SLC35F3: variants seen among roughly 807,000 people sequenced by gnomAD.
The protein encoded by SLC35F3 is solute carrier family 35 member F3, also known as putative thiamine transporter SLC35F3.
In SLC35F3, 25 loss-of-function variants were observed where a neutral mutation model predicts 49.9. That is an observed-to-expected ratio of 0.50 (90% CI 0.37 to 0.70). The LOEUF is 0.70. Among genes scored for constraint, SLC35F3 ranks in the 30% least tolerant of loss-of-function variants. The probability of loss-of-function intolerance (pLI) is 0.00; values close to 1 mark genes in which losing one functional copy is unlikely to be tolerated. For synonymous variants in SLC35F3, 275 were observed against 265.4 expected (o/e 1.04, Z -0.35); for missense variants, 525 against 639.8 (o/e 0.82, Z 1.94).
intron 2 of SLC35F3, among the ~76,000 whole-genome samples, chr1:234,079,454 A>G (rs1664842920): frequency 6.6e-6 from 1 of 152,254 alleles, no homozygotes; most frequent in Non-Finnish European, 1.5e-5. Context: ...TTTGGACTTC[A>G]GAGTAAAAAG....
intron 2 of SLC35F3, among the ~76,000 whole-genome samples, chr1:234,227,556 G>A (rs189417668): frequency 5.5e-4 from 84 of 152,084 alleles, no homozygotes; most frequent in African/African-American, 1.9e-3. Context: ...CCACCACCAC[G>A]CCCGGCTAAT....
chr1:234,116,056 C>T (rs1665482118), intron 2 of SLC35F3, among the ~76,000 whole-genome samples: 1 of 152,182 alleles, frequency 6.6e-6, no homozygotes, highest in African/African-American at 2.4e-5. Context: ...GATCAGCGTT[C>T]ACCAAATCCA....
At chr1:233,936,728 G>T (rs142429928) in intron 2 of SLC35F3, among the ~76,000 whole-genome samples, 2 of 151,186 alleles carry the variant, frequency 1.3e-5, no homozygotes, top group African/African-American at 2.4e-5. Flanking sequence ...TTGCTATGTC[G>T]CCCAAGCTGA....
intron 3 of SLC35F3, among the ~76,000 whole-genome samples, chr1:234,259,597 C>T (rs1250855230): frequency 6.6e-6 from 1 of 152,042 alleles, no homozygotes; most frequent in African/African-American, 2.4e-5. Context: ...TTGCTTGAAC[C>T]CAGGAGGCAG....
chr1:234,109,872 T>A (rs1665379160), intron 2 of SLC35F3, among the ~76,000 whole-genome samples: 1 of 152,134 alleles, frequency 6.6e-6, no homozygotes, highest in South Asian at 2.1e-4. Context: ...GAAGGAGGCA[T>A]TTGAGCTGGG....
At chr1:234,263,874 C>T (rs1315996924) in intron 3 of SLC35F3, among the ~76,000 whole-genome samples, 3 of 152,094 alleles carry the variant, frequency 2.0e-5, no homozygotes, top group African/African-American at 4.8e-5. Flanking sequence ...TTTGGGAGGC[C>T]GAGGCGGGCA....
chr1:234,221,594 G>A (rs1459154838), intron 2 of SLC35F3, among the ~76,000 whole-genome samples: 2 of 152,174 alleles, frequency 1.3e-5, no homozygotes, highest in Non-Finnish European at 2.9e-5. Flanking sequence ...GAAGAGGTGG[G>A]AAAGGGTTCA....
At chr1:234,162,429 T>A (rs6586376) in intron 2 of SLC35F3, among the ~76,000 whole-genome samples, 20,427 of 121,206 alleles carry the variant, frequency 0.17, 4,999 homozygotes, top group African/African-American at 0.53. Context: ...TAACAGAAGG[T>A]GGAGAGGGAT....
At chr1:234,188,020 G>A (rs879088820) in intron 2 of SLC35F3, among the ~76,000 whole-genome samples, 2 of 152,102 alleles carry the variant, frequency 1.3e-5, no homozygotes, top group African/African-American at 4.8e-5. Flanking sequence ...GGCGGATCAC[G>A]AAGTCAGGAG....
intron 3 of SLC35F3, among the ~76,000 whole-genome samples, chr1:234,243,532 C>T (rs1223938393): frequency 6.6e-6 from 1 of 152,138 alleles, no homozygotes; most frequent in African/African-American, 2.4e-5. Flanking sequence ...AGGGAATTCA[C>T]AAAGTAGATT....
chr1:234,247,495 G>T (rs1262931426), intron 3 of SLC35F3, among the ~76,000 whole-genome samples: 1 of 151,414 alleles, frequency 6.6e-6, no homozygotes, highest in Non-Finnish European at 1.5e-5. Flanking sequence ...TGCTTGGCTG[G>T]TCCATTGTTC....
intron 2 of SLC35F3, among the ~76,000 whole-genome samples, chr1:233,948,861 A>G (rs114780912): frequency 1.2e-3 from 190 of 152,176 alleles, no homozygotes; most frequent in African/African-American, 4.2e-3. Flanking sequence ...AGGCGTTTCT[A>G]TGATAGACTT....
At chr1:233,996,402 C>G (rs1201992955) in intron 2 of SLC35F3, among the ~76,000 whole-genome samples, 1 of 152,056 alleles carries the variant, frequency 6.6e-6, no homozygotes, top group African/African-American at 2.4e-5. Flanking sequence ...GGAACCAATC[C>G]CTCATGGATA....
intron 3 of SLC35F3, among the ~76,000 whole-genome samples, chr1:234,267,635 T>C (rs1452703687): frequency 2.7e-5 from 4 of 150,066 alleles, no homozygotes; most frequent in African/African-American, 7.5e-5. Context: ...GGCGGGGGGC[T>C]GACCCCCCCA....
chr1:234,287,343 A>T (rs573313782), intron 3 of SLC35F3, among the ~76,000 whole-genome samples: 46 of 152,350 alleles, frequency 3.0e-4, no homozygotes, highest in Admixed American at 5.9e-4. Context: ...AAACATTCAT[A>T]GAGGTTAAAT....
intron 2 of SLC35F3, among the ~76,000 whole-genome samples, chr1:234,013,197 A>G (rs530192609): frequency 5.3e-5 from 8 of 152,340 alleles, no homozygotes; most frequent in African/African-American, 1.9e-4. Flanking sequence ...GAAAATTTAC[A>G]AAGGAGTAAA....
At chr1:234,077,074 G>A (rs1173584136) in intron 2 of SLC35F3, among the ~76,000 whole-genome samples, 1 of 148,104 alleles carries the variant, frequency 6.8e-6, no homozygotes, top group Non-Finnish European at 1.5e-5. Context: ...GCGCAATCTC[G>A]GCTCACTGCA....
intron 3 of SLC35F3, among the ~76,000 whole-genome samples, chr1:234,252,990 G>A (rs963373830): frequency 6.6e-6 from 1 of 152,136 alleles, no homozygotes; most frequent in African/African-American, 2.4e-5. Flanking sequence ...TCAACAATCA[G>A]GAACTGGCTA....
chr1:233,987,867 A>G (rs1307872228), intron 2 of SLC35F3, among the ~76,000 whole-genome samples: 1 of 151,896 alleles, frequency 6.6e-6, no homozygotes, highest in African/African-American at 2.4e-5. Flanking sequence ...CCTTCTATTT[A>G]TTTCTTCCCT....
Sources: allele counts gnomAD v4.1 joint callset (sites outside exome capture counted in the v4.1 genomes callset), GRCh38; gene constraint gnomAD v4.1.1; transcripts MANE v1.5; gene names NCBI Gene and HGNC (gene_info 2026-07-23, HGNC 2026-07-21).